The following ATAD3A variants were observed in gnomAD, a reference collection of about 807,000 sequenced individuals.
The protein encoded by ATAD3A is ATPase family AAA domain containing 3A, also known as ATPase family AAA domain-containing protein 3A.
In ATAD3A, 46 loss-of-function variants were observed where a neutral mutation model predicts 73.8. The observed-to-expected ratio is 0.62, with a 90% CI of 0.49 to 0.80. The LOEUF (loss-of-function observed/expected upper bound fraction) is 0.80. ATAD3A is among the 30% of genes least tolerant of loss of function. The pLI, the probability that ATAD3A is intolerant of heterozygous loss-of-function variation, is 0.00. For missense variants in ATAD3A, 705 were observed against 838.0 expected (o/e 0.84, Z 1.96); for synonymous variants, 319 against 350.0 (o/e 0.91, Z 0.99).
rs868107133 is a variant in ATAD3A at position 1,534,064 on chromosome 1, C to T, written c.1753C>T (p.Pro585Ser). The T allele has an allele frequency of 1.9e-6, 3 of 1,612,660 alleles. No individual in the cohort carries two copies. Among genetic ancestry groups the T allele is most frequent in the Non-Finnish European group, 2.5e-6 (3 of 1,179,542 alleles). Residue 585 changes from proline to serine, a missense_variant, in exon 16 of 16, where the codon CCA becomes TCA. Pro to Ser is a moderately conservative substitution (Grantham distance 74). Coordinates refer to ENST00000378756, the MANE Select transcript of ATAD3A (RefSeq NM_001170535.3). ...EGPGRGDEPS[P>S]S ...GCCTGGGCGTGGGGACGAGCCCTCC[C>T]CATCCTGAGTCCACAGGGAGATCCA...
In ATAD3A at chr1:1,529,223, G is replaced by A. The variant is rs767734610; in HGVS notation, c.1506G>A (p.Gln502=). ...YVLKPATEGK[Q]RLKLAQFDYG... ...GCCCACTTGGGAACTCCTTCCCCAG[G>A]CGCCTGAAGCTGGCCCAGTTTGACT... is the stretch of plus-strand genomic sequence containing the variant. The change falls in exon 15 of 16, where the codon CAG becomes CAA. Residue 502 remains glutamine, a splice_region_variant and synonymous_variant. Transcript: ENST00000378756. 3 of 1,608,036 alleles carry A rather than the reference G, an allele frequency of 1.9e-6. No individual in the cohort carries two copies. Among genetic ancestry groups the A allele is most frequent in the South Asian group, 1.1e-5 (1 of 89,796 alleles).
At chr1:1,528,044 C>G (rs1169549960) in intron 14 of ATAD3A, among the ~76,000 whole-genome samples, 182 bp downstream of exon 14, 2 of 151,544 alleles carry the variant, frequency 1.3e-5, no homozygotes, top group Admixed American at 6.6e-5. Flanking sequence ...ACTGCAACCT[C>G]TGCCTCCCGG....
intron 1 of ATAD3A, 191 bp downstream of exon 1, chr1:1,512,664 C>T (rs1420024119): frequency 1.5e-6 from 2 of 1,367,188 alleles, no homozygotes; most frequent in South Asian, 2.6e-5. Context: ...CCCGTTTGCA[C>T]CTCTGCAGCT....
chr1:1,521,298 CAAAAAAAAAAAAAAAA>C (rs1001385922), intron 7 of ATAD3A, among the ~76,000 whole-genome samples: 1 of 25,348 alleles, frequency 3.9e-5, no homozygotes, highest in African/African-American at 9.2e-5. Context: ...GGCTTCTTCT[CAAAAAAAAAAAAAAAA>C]AAAAAAAAAA....
intron 1 of ATAD3A, 29 bp from the exon 2 acceptor site, chr1:1,515,983 A>T (rs1235291416): frequency 1.1e-5 from 17 of 1,613,266 alleles, no homozygotes; most frequent in Non-Finnish European, 1.4e-5. Context: ...GTATCCTAAC[A>T]CCTGCCCTCC....
At chr1:1,521,916 A>G (rs779290154) in intron 7 of ATAD3A, among the ~76,000 whole-genome samples, 10 of 152,070 alleles carry the variant, frequency 6.6e-5, no homozygotes, top group Non-Finnish European at 1.0e-4. Flanking sequence ...TTTAGTAGAG[A>G]TGGGTTTTCA....
intron 4 of ATAD3A, among the ~76,000 whole-genome samples, chr1:1,518,346 C>T (rs1271368787): frequency 7.1e-6 from 1 of 140,168 alleles, no homozygotes; most frequent in Non-Finnish European, 1.5e-5. Flanking sequence ...CACCCGCGCA[C>T]TCGGGCACAC....
chr1:1,529,820 C>T (rs1434400670), intron 15 of ATAD3A, among the ~76,000 whole-genome samples: 3 of 152,222 alleles, frequency 2.0e-5, no homozygotes, highest in Non-Finnish European at 4.4e-5. Flanking sequence ...CGGGGACACC[C>T]CTCCTGCAGC....
chr1:1,517,236 G>A (rs1641390583), intron 2 of ATAD3A, 75 bp from the exon 3 acceptor site: 3 of 1,546,332 alleles, frequency 1.9e-6, no homozygotes, highest in East Asian at 2.5e-5. Flanking sequence ...TGCCGGAGCC[G>A]TGCAGACACA....
chr1:1,534,592 C>CG lies in ATAD3A; in HGVS notation c.*525dup. On this transcript the variant is annotated 3_prime_UTR_variant, in exon 16 of 16. Coordinates refer to ENST00000378756, the MANE Select transcript of ATAD3A (RefSeq NM_001170535.3). The stretch of plus-strand genomic sequence containing the variant: ...AGAGAGGAGGGAGGAGGGAACCTGG[C>CG]GGGGGTGTCTGAGGCCGCACTGTCA... 1 of 218,716 alleles carries CG rather than the reference C, an allele frequency of 4.6e-6. No homozygotes were observed. Among genetic ancestry groups the CG allele is most frequent in the Non-Finnish European group, 8.6e-6 (1 of 116,812 alleles). 13.5% of individuals were successfully genotyped at this position (218,716 alleles called of 1,614,324 possible).
chr1:1,523,671 G>A lies in ATAD3A; in HGVS notation c.963+104G>A, dbSNP rs962615119. The A allele has an allele frequency of 2.5e-6, 4 of 1,597,162 alleles. No homozygotes were observed. The highest frequency in any genetic ancestry group is 3.4e-6 in the Non-Finnish European group (4 of 1,170,900). On this transcript the variant is annotated intron_variant, in intron 9 of 15. Coordinates refer to ENST00000378756, the MANE Select transcript of ATAD3A (RefSeq NM_001170535.3). This position sits in a 1 kb window ranked among gnomAD's most constrained non-coding sequence, Gnocchi z 5.1. ...CTCGTGGTGGCACCCAGGAGCTTTT[G>A]GGTCCTGAGATGCGACTGCTTGGAC...
Position 1,520,001 on chromosome 1 carries a change from C to T in ATAD3A, c.515-140C>T, listed in dbSNP as rs572659164. The T allele has an allele frequency of 5.9e-5, 84 of 1,423,320 alleles. No homozygotes were observed. Among genetic ancestry groups the T allele is most frequent in the South Asian group, 1.8e-4 (13 of 72,326 alleles). The allele number at this position is 1,423,320 out of a possible 1,614,324, so 88.2% of individuals were successfully genotyped here. A position where few individuals can be genotyped will look rare whatever the true frequency, so the allele number is the denominator to read the frequency against. ...GTGTGGGCCTGTCCATGGCGTGGGC[C>T]GGTCCGTGGCATGGGCCTGTCTGTG... On this transcript the variant is annotated intron_variant, in intron 5 of 15. Coordinates refer to ENST00000378756, the MANE Select transcript of ATAD3A (RefSeq NM_001170535.3). The surrounding 1 kb of genome is among the most constrained non-coding windows in gnomAD (Gnocchi z 4.0).
intron 2 of ATAD3A, chr1:1,516,975 G>A: frequency 8.9e-7 from 1 of 1,117,778 alleles, no homozygotes; most frequent in South Asian, 1.7e-5. Context: ...GCCTCCCAAA[G>A]TGCTGGGATT....
At chr1:1,533,253 C>T (rs6690064) in intron 15 of ATAD3A, among the ~76,000 whole-genome samples, 33,635 of 152,134 alleles carry the variant, frequency 0.22, 8,232 homozygotes, top group African/African-American at 0.59. Context: ...TGGGGGTCCC[C>T]ACACCCTGAC....
At chr1:1,513,784 C>T (rs1013365107) in intron 1 of ATAD3A, among the ~76,000 whole-genome samples, 3 of 152,156 alleles carry the variant, frequency 2.0e-5, no homozygotes, top group Admixed American at 2.0e-4. Flanking sequence ...TGGCTTCCTC[C>T]GTGCCCCTTT....
Position 1,534,488 on chromosome 1 carries a change from C to A in ATAD3A, c.*416C>A. The A allele has an allele frequency of 1.0e-6, 1 of 960,612 alleles. No homozygotes were observed. Among genetic ancestry groups the A allele is most frequent in the Non-Finnish European group, 1.4e-6 (1 of 736,080 alleles). 59.5% of individuals were successfully genotyped at this position (960,612 alleles called of 1,614,324 possible). A position where few individuals can be genotyped will look rare whatever the true frequency, so the allele number is the denominator to read the frequency against. ...CAGGTGAGGGGGCGCCTGCCAGGGC[C>A]AGACCCAGGTGGGGCAGCCTGAACC... On this transcript the variant is annotated 3_prime_UTR_variant, in exon 16 of 16. Transcript: ENST00000378756.
Position 1,523,721 on chromosome 1 carries a change from C to T in ATAD3A, c.964-118C>T, listed in dbSNP as rs1402360402. On this transcript the variant is annotated intron_variant, in intron 9 of 15. Transcript: ENST00000378756. The surrounding 1 kb of genome is among the most constrained non-coding windows in gnomAD (Gnocchi z 5.1). ...CCGTGCTGGGGATAGATAGGCTGCC[C>T]CTGAGGTGGGAGGCTTCCCGAGGAG... The T allele has an allele frequency of 1.8e-5, 28 of 1,588,336 alleles. No individual in the cohort carries two copies. Among genetic ancestry groups the T allele is most frequent in the Middle Eastern group, 1.8e-4 (1 of 5,620 alleles).
intron 15 of ATAD3A, among the ~76,000 whole-genome samples, chr1:1,532,541 T>A (rs72634804): frequency 9.8e-5 from 15 of 152,340 alleles, no homozygotes; most frequent in Non-Finnish European, 1.6e-4. Flanking sequence ...CACCTGTGAC[T>A]GGGTTTTGCC....
chr1:1,518,691 C>T (rs1197085220), intron 4 of ATAD3A, among the ~76,000 whole-genome samples: 1 of 123,222 alleles, frequency 8.1e-6, no homozygotes, highest in African/African-American at 3.3e-5. Flanking sequence ...ACACACACAC[C>T]CAAACGGGTG....
Sources: gnomAD v4.1 joint callset for allele counts (sites outside exome capture counted in the v4.1 genomes callset) on GRCh38, gnomAD v4.1.1 for gene constraint, Gnocchi (gnomAD v3.1) non-coding constraint, MANE v1.5 for transcripts, NCBI Gene and HGNC (gene_info 2026-07-23, HGNC 2026-07-21) for gene names.